The following LMOD1 variants were observed in gnomAD, a reference collection of about 807,000 sequenced individuals.
The protein encoded by LMOD1 is leiomodin-1.
A neutral mutation model predicts 36.5 loss-of-function variants in LMOD1; 8 were observed. That is an observed-to-expected ratio of 0.22 (90% confidence interval 0.13 to 0.40). LMOD1 has a LOEUF of 0.40. LMOD1 is among the 10% of genes least tolerant of loss of function. LMOD1 has a pLI of 1.00. For missense variants in LMOD1, 630 were observed against 751.1 expected (o/e 0.84, Z 1.88); for synonymous variants, 284 against 288.7 (o/e 0.98, Z 0.17).
chr1:201,935,188 A>G (rs1251845028), intron 1 of LMOD1, among the ~76,000 whole-genome samples: 1 of 152,198 alleles, frequency 6.6e-6, no homozygotes, highest in African/African-American at 2.4e-5. Context: ...ACCAGTTAGA[A>G]GGGTGTTTCT....
intron 1 of LMOD1, among the ~76,000 whole-genome samples, chr1:201,931,535 CAAAAA>C (rs11334173): frequency 2.4e-5 from 2 of 82,468 alleles, no homozygotes; most frequent in Admixed American, 1.4e-4. Context: ...GAGACTCTGT[CAAAAA>C]AAAAAAAAAA....
chr1:201,903,614 G>A (rs539345399), intron 1 of LMOD1, among the ~76,000 whole-genome samples: 1 of 152,326 alleles, frequency 6.6e-6, no homozygotes, highest in East Asian at 1.9e-4. Context: ...AGTTTGACCA[G>A]GAAATTCCCT....
intron 1 of LMOD1, among the ~76,000 whole-genome samples, chr1:201,901,562 A>C (rs867247097): frequency 3.8e-5 from 1 of 26,578 alleles, no homozygotes; most frequent in Non-Finnish European, 6.0e-5. Context: ...ACATATATAT[A>C]TGTATATATA....
chr1:201,944,108 C>T (rs992191730), intron 1 of LMOD1, among the ~76,000 whole-genome samples: 1 of 152,314 alleles, frequency 6.6e-6, no homozygotes, highest in Admixed American at 6.5e-5. Context: ...GAACAGCCTA[C>T]ATCCACAAGG....
At position 201,914,262 on chromosome 1, in the gene LMOD1, G is replaced by A. The variant is rs116032132; in HGVS notation, c.262-13511C>T. ...AGTAGCCCACACCCCACGTGGTGCC[G>A]TCCACTGTCTGCAGCCCCTGTGAAC... On this transcript the variant is annotated intron_variant, in intron 1 of 2. Transcript: ENST00000367288. Among the ~76,000 whole-genome samples, 1,420 of 152,288 alleles carry A rather than the reference G, an allele frequency of 9.3e-3. 17 individuals are homozygous for A. The highest frequency in any genetic ancestry group is 0.031 in the African/African-American group (1,272 of 41,554).
chr1:201,944,451 G>A (rs1487019361), intron 1 of LMOD1, among the ~76,000 whole-genome samples: 5 of 152,180 alleles, frequency 3.3e-5, no homozygotes, highest in Admixed American at 2.0e-4. Flanking sequence ...GACTGGGAGT[G>A]GGGAAGAGCA....
intron 1 of LMOD1, among the ~76,000 whole-genome samples, chr1:201,945,021 C>G (rs1236159767): frequency 6.6e-6 from 1 of 152,138 alleles, no homozygotes; most frequent in East Asian, 1.9e-4. Flanking sequence ...TGAGACTGAT[C>G]TTTTTCTTGC....
chr1:201,940,250 G>T (rs185049793), intron 1 of LMOD1, among the ~76,000 whole-genome samples: 1 of 144,078 alleles, frequency 6.9e-6, no homozygotes. Flanking sequence ...ACAGCGGCAC[G>T]ATCTCGGCTC....
intron 1 of LMOD1, among the ~76,000 whole-genome samples, chr1:201,917,497 G>A (rs895873383): frequency 3.3e-5 from 5 of 152,080 alleles, no homozygotes; most frequent in African/African-American, 1.2e-4. Context: ...GAAGGTTCTT[G>A]TGGCAGATCT....
rs773850989 is a variant in LMOD1 at position 201,908,597 on chromosome 1, G to A, written c.262-7846C>T. Among the ~76,000 whole-genome samples, 70 of 152,162 alleles carry A rather than the reference G, an allele frequency of 4.6e-4. 1 individual carries two copies. The highest frequency in any genetic ancestry group is 1.0e-4 in the Non-Finnish European group (7 of 68,036). On this transcript the variant is annotated intron_variant, in intron 1 of 2. Coordinates refer to ENST00000367288, the MANE Select transcript of LMOD1 (RefSeq NM_012134.3). ...TTTGGGGTTGGGGGCTTTGGTATAT[G>A]TTGTGGGGGTGCTACAGGGCGGCCT...
intron 1 of LMOD1, among the ~76,000 whole-genome samples, chr1:201,938,618 G>A (rs1415012639): frequency 2.0e-5 from 3 of 152,276 alleles, no homozygotes; most frequent in East Asian, 3.9e-4. Context: ...GCCTGAGGAT[G>A]TAGCACCTTT....
At position 201,900,190 on chromosome 1, in the gene LMOD1, C is replaced by T. The variant is rs776940304; in HGVS notation, c.823G>A (p.Glu275Lys). 3.7e-6 allele frequency: 6 copies of T among 1,613,806 alleles called. No individual in the cohort carries two copies. The African/African-American group carries it at 8.0e-5, about 22-fold the overall frequency. Reference protein sequence around the residue: ...KKDDEKVKKNEPLHEKEAKDD... With the variant: ...KKDDEKVKKNKPLHEKEAKDD... The stretch of plus-strand genomic sequence containing the variant: ...TTGGCTTCCTTTTCATGTAAGGGTT[C>T]ATTCTTCTTGACTTTTTCATCGTCC... Residue 275 changes from glutamate (E) to lysine (K), a missense_variant, in exon 2 of 3, where the codon GAA (glutamate) becomes AAA (lysine). Coordinates refer to ENST00000367288, the MANE Select transcript of LMOD1 (RefSeq NM_012134.3).
intron 1 of LMOD1, among the ~76,000 whole-genome samples, chr1:201,934,574 C>T (rs1681982897): frequency 6.6e-6 from 1 of 152,184 alleles, no homozygotes; most frequent in South Asian, 2.1e-4. Context: ...CCACATTTAT[C>T]TCCAGCTGCC....
intron 1 of LMOD1, among the ~76,000 whole-genome samples, chr1:201,929,864 G>A (rs910740818): frequency 3.3e-5 from 5 of 152,168 alleles, no homozygotes; most frequent in African/African-American, 1.2e-4. Context: ...ACATGCGAAT[G>A]GAACAGGAGG....
intron 1 of LMOD1, among the ~76,000 whole-genome samples, chr1:201,916,154 G>A (rs1477801609): frequency 6.6e-6 from 1 of 151,950 alleles, no homozygotes; most frequent in African/African-American, 2.4e-5. Context: ...CTGGGCTCAA[G>A]CGATCCACAC....
At chr1:201,946,050 C>T (rs1472103944) in intron 1 of LMOD1, 30 bp downstream of exon 1, 1 of 1,596,874 alleles carries the variant, frequency 6.3e-7, no homozygotes, top group Non-Finnish European at 8.6e-7. Flanking sequence ...CCCTGTCTCC[C>T]TCCTCCCCTC....
intron 1 of LMOD1, among the ~76,000 whole-genome samples, chr1:201,939,039 T>G (rs2819367): frequency 0.66 from 99,979 of 152,016 alleles, 33,249 homozygotes; most frequent in East Asian, 0.73. Flanking sequence ...GAAATCAGGC[T>G]GCTGGGGCCA....
intron 1 of LMOD1, among the ~76,000 whole-genome samples, chr1:201,913,006 C>T (rs1306905270): frequency 2.0e-5 from 3 of 152,096 alleles, no homozygotes; most frequent in Non-Finnish European, 2.9e-5. Flanking sequence ...AGCTGAGAGG[C>T]AGCGAGGCAA....
chr1:201,924,729 G>T (rs912912799), intron 1 of LMOD1, among the ~76,000 whole-genome samples: 3 of 142,188 alleles, frequency 2.1e-5, no homozygotes, highest in East Asian at 4.0e-4. Context: ...AAGAAAGAAA[G>T]AAAAGAAAGA....
Sources: allele counts gnomAD v4.1 joint callset (sites outside exome capture counted in the v4.1 genomes callset), GRCh38; gene constraint gnomAD v4.1.1; transcripts MANE v1.5; gene names NCBI Gene and HGNC (gene_info 2026-07-23, HGNC 2026-07-21).